Variants in FGFR1 observed in about 807,000 individuals in gnomAD.
FGFR1 encodes the protein fibroblast growth factor receptor 1.
A neutral mutation model predicts 93.7 loss-of-function variants in FGFR1; 18 were observed. The ratio of observed to expected loss-of-function variants is 0.19; its 90% CI spans 0.13 to 0.28. The LOEUF (loss-of-function observed/expected upper bound fraction) is 0.28. Among genes scored for constraint, FGFR1 ranks in the 10% least tolerant of loss-of-function variants. FGFR1 has a pLI of 1.00. For synonymous variants in FGFR1, 448 were observed against 429.3 expected (o/e 1.04, Z -0.54); for missense variants, 731 against 1,080.4 (o/e 0.68, Z 4.53).
intron 2 of FGFR1, among the ~76,000 whole-genome samples, chr8:38,433,178 A>C (rs767765772): frequency 2.0e-5 from 3 of 152,138 alleles, no homozygotes; most frequent in African/African-American, 4.8e-5. Flanking sequence ...TCTCTACAAA[A>C]AAATTTAAAA....
intron 1 of FGFR1, among the ~76,000 whole-genome samples, chr8:38,464,342 A>C (rs954655605): frequency 2.7e-5 from 4 of 149,084 alleles, no homozygotes; most frequent in Non-Finnish European, 4.5e-5. Context: ...AAAAGCAACA[A>C]GTGAAACACG....
chr8:38,454,973 C>CTTTTTTTTTT (rs11434747), intron 2 of FGFR1, among the ~76,000 whole-genome samples: 1 of 111,174 alleles, frequency 9.0e-6, no homozygotes, highest in Non-Finnish European at 1.8e-5. Flanking sequence ...TCTTTTCTTG[C>CTTTTTTTTTT]TTTTTTTTTT....
chr8:38,422,790 T>C, intron 7 of FGFR1: 1 of 520,862 alleles, frequency 1.9e-6, no homozygotes, highest in Non-Finnish European at 3.4e-6. Context: ...CCGTGAGTCC[T>C]CACATGGATC....
chr8:38,413,595 C>G lies in FGFR1; in HGVS notation c.*33G>C, dbSNP rs369397371. 17 of 1,582,548 alleles carry G rather than the reference C, an allele frequency of 1.1e-5. No homozygotes were observed. Among genetic ancestry groups the G allele is most frequent in the Non-Finnish European group, 1.5e-5 (17 of 1,164,960 alleles). ...GGCTGTGGGTGAGGGTTACAGCTGA[C>G]GGTGGAGTCTGGGGAGGGCGTGTGG... On this transcript the variant is annotated 3_prime_UTR_variant, in exon 18 of 18. Transcript: ENST00000447712. This position sits in a 1 kb window ranked among gnomAD's most constrained non-coding sequence, Gnocchi z 4.2.
At chr8:38,436,045 T>A (rs1825289919) in intron 2 of FGFR1, among the ~76,000 whole-genome samples, 1 of 152,172 alleles carries the variant, frequency 6.6e-6, no homozygotes. Flanking sequence ...AAAGACTGGC[T>A]GTTCACTATT....
chr8:38,459,632 T>G (rs75489920), intron 1 of FGFR1, among the ~76,000 whole-genome samples: 4 of 152,288 alleles, frequency 2.6e-5, no homozygotes, highest in Non-Finnish European at 4.4e-5. Flanking sequence ...GGGATAAGTT[T>G]TATTATTCCT....
intron 2 of FGFR1, among the ~76,000 whole-genome samples, chr8:38,443,838 G>T (rs1176467290): frequency 6.6e-6 from 1 of 152,106 alleles, no homozygotes; most frequent in African/African-American, 2.4e-5. Context: ...CGGATCACAT[G>T]AGGTCAGGAG....
intron 10 of FGFR1, 96 bp downstream of exon 10, chr8:38,418,132 C>T (rs1817383088): frequency 2.5e-6 from 4 of 1,607,494 alleles, no homozygotes; most frequent in Non-Finnish European, 3.4e-6. Flanking sequence ...TTTCATGAAC[C>T]TTCACCGCCC....
At chr8:38,419,895 G>A (rs1818107898) in intron 8 of FGFR1, 160 bp from the exon 9 acceptor site, 7 of 633,268 alleles carry the variant, frequency 1.1e-5, no homozygotes, top group Middle Eastern at 4.2e-4. Context: ...GGCACTAGGA[G>A]GATCAGGCAA....
intron 1 of FGFR1, chr8:38,458,941 CG>C (rs1833679605): frequency 4.6e-6 from 1 of 218,066 alleles, no homozygotes; most frequent in Non-Finnish European, 9.2e-6. Context: ...CCAGAAGTTG[CG>C]GGGGGCAAGG....
At chr8:38,447,672 G>C (rs897794050) in intron 2 of FGFR1, among the ~76,000 whole-genome samples, 1 of 152,050 alleles carries the variant, frequency 6.6e-6, no homozygotes, top group Non-Finnish European at 1.5e-5. Context: ...AGTAGAGAAG[G>C]GTTTTGCCAT....
chr8:38,458,257 C>A (rs1314555786), intron 1 of FGFR1, among the ~76,000 whole-genome samples: 7 of 152,056 alleles, frequency 4.6e-5, no homozygotes, highest in Non-Finnish European at 1.5e-5. Flanking sequence ...TCACTCTGCC[C>A]AGGCCAGGTG....
In FGFR1 at chr8:38,413,209, G is replaced by A. The variant is rs1814962640; in HGVS notation, c.*419C>T. On this transcript the variant is annotated 3_prime_UTR_variant, in exon 18 of 18. Coordinates refer to ENST00000447712, the MANE Select transcript of FGFR1 (RefSeq NM_023110.3). The surrounding 1 kb of genome is among the most constrained non-coding windows in gnomAD (Gnocchi z 4.2). ...CTGACCTCCCTACTGCTGTAGCCCT[G>A]AGGACAAGGCACCTGCCACCAGAGT... is the stretch of plus-strand genomic sequence containing the variant. 2 of 288,598 alleles carry A rather than the reference G, an allele frequency of 6.9e-6. No homozygotes were observed. Among genetic ancestry groups the A allele is most frequent in the East Asian group, 5.2e-5 (1 of 19,264 alleles). 17.9% of individuals were successfully genotyped at this position (288,598 alleles called of 1,614,324 possible).
intron 1 of FGFR1, chr8:38,465,772 C>A: frequency 4.6e-6 from 1 of 218,000 alleles, no homozygotes. Flanking sequence ...AACCGGGAGC[C>A]CGGGCCAAGG....
At chr8:38,425,567 C>T (rs1250733367) in intron 6 of FGFR1, among the ~76,000 whole-genome samples, 1 of 152,138 alleles carries the variant, frequency 6.6e-6, no homozygotes, top group East Asian at 1.9e-4. Context: ...GAGTGAGTTT[C>T]AGAACTCCTA....
intron 7 of FGFR1, 62 bp from the exon 8 acceptor site, chr8:38,422,003 G>A (rs771388800): frequency 1.1e-5 from 17 of 1,586,850 alleles, no homozygotes; most frequent in Non-Finnish European, 1.5e-5. Context: ...AAGAGACGCA[G>A]AGCAAGGGAA....
chr8:38,441,097 A>G (rs904112377), intron 2 of FGFR1, among the ~76,000 whole-genome samples: 1 of 139,742 alleles, frequency 7.2e-6, no homozygotes, highest in African/African-American at 2.6e-5. Flanking sequence ...CGAGCTGGGC[A>G]GCAAGACACG....
Position 38,428,395 on chromosome 8 carries a change from GTCATCATCA to G in FGFR1, c.390_398del (p.Asp131_Asp133del). 2 of 1,613,514 alleles carry G rather than the reference GTCATCATCA, an allele frequency of 1.2e-6. No homozygotes were observed. Among genetic ancestry groups the G allele is most frequent in the East Asian group, 4.5e-5 (2 of 44,882 alleles). ...CTGTTTCTTTCTCCTCTGAAGAGGA[GTCATCATCA>G]TCATCATCATCCTCCGAGGAGGGGA... On this transcript the variant is annotated inframe_deletion, in exon 4 of 18. Transcript: ENST00000447712.
intron 1 of FGFR1, among the ~76,000 whole-genome samples, chr8:38,463,868 G>A (rs969725975): frequency 6.6e-6 from 1 of 152,102 alleles, no homozygotes; most frequent in Non-Finnish European, 1.5e-5. Flanking sequence ...CATGTTGAGA[G>A]GGCAGGGGGC....
Sources: gnomAD v4.1 joint callset for allele counts (sites outside exome capture counted in the v4.1 genomes callset) on GRCh38, gnomAD v4.1.1 for gene constraint, Gnocchi (gnomAD v3.1) non-coding constraint, MANE v1.5 for transcripts, NCBI Gene and HGNC (gene_info 2026-07-23, HGNC 2026-07-21) for gene names.